GLI2: variants seen among roughly 807,000 people sequenced by gnomAD.
GLI2 encodes the protein GLI family zinc finger 2.
GLI2 carries 22 observed loss-of-function variants against 78.9 expected under a neutral mutation model. The ratio of observed to expected loss-of-function variants is 0.28; its 90% CI spans 0.20 to 0.40. The LOEUF is 0.40. Ranked by LOEUF, GLI2 falls within the 10% of genes least tolerant of loss-of-function variation. The probability of loss-of-function intolerance (pLI) is 1.00; values close to 1 mark genes in which losing one functional copy is unlikely to be tolerated. For synonymous variants in GLI2, 974 were observed against 963.7 expected (o/e 1.01, Z -0.20); for missense variants, 2,097 against 2,213.2 (o/e 0.95, Z 1.05).
In GLI2 at chr2:120,953,007, C is replaced by T. The variant is rs185476838; in HGVS notation, c.457+1562C>T. ...GTTCCTTCCTACTACTCCTGAACAA[C>T]GGGTTGATGGTCACACCTAGTATGG... On this transcript the variant is annotated intron_variant, in intron 4 of 13. Coordinates refer to ENST00000361492, the MANE Select transcript of GLI2 (RefSeq NM_001374353.1). 1.3e-3 allele frequency among the ~76,000 whole-genome samples: 191 copies of T among 152,362 alleles called. 1 individual carries two copies. Among genetic ancestry groups the T allele is most frequent in the Non-Finnish European group, 2.2e-3 (151 of 68,042 alleles).
At chr2:120,821,950 C>G (rs979393830) in intron 2 of GLI2, among the ~76,000 whole-genome samples, 2 of 152,160 alleles carry the variant, frequency 1.3e-5, no homozygotes, top group Admixed American at 6.5e-5. Flanking sequence ...CCACGGGGGC[C>G]GGGAGAAAGT....
rs768987509 is a variant in GLI2 at position 120,972,057 on chromosome 2, G to A, written c.1176G>A (p.Leu392=). The change falls in exon 8 of 14, where the codon CTG becomes CTA. Residue 392 remains leucine (L), a synonymous_variant. Coordinates refer to ENST00000361492, the MANE Select transcript of GLI2 (RefSeq NM_001374353.1). The part of the protein sequence containing the change: ...EGLRPASPLA[L]TQEQLADLKE... ...TGCGGCCGGCCTCCCCTCTGGCGCT[G>A]ACGCAGGTAACCTGCTGCCAGCCGC... The A allele has an allele frequency of 1.9e-6, 3 of 1,613,188 alleles. No homozygotes were observed. Among genetic ancestry groups the A allele is most frequent in the Admixed American group, 3.3e-5 (2 of 60,030 alleles).
At chr2:120,820,542 C>A (rs1685719067) in intron 2 of GLI2, among the ~76,000 whole-genome samples, 1 of 152,202 alleles carries the variant, frequency 6.6e-6, no homozygotes. Context: ...TGGCCTGGGA[C>A]CCTGCCCCAG....
chr2:120,753,376 G>T (rs1412919636), intron 1 of GLI2, among the ~76,000 whole-genome samples: 1 of 152,132 alleles, frequency 6.6e-6, no homozygotes, highest in Non-Finnish European at 1.5e-5. Flanking sequence ...GATTACAGGC[G>T]TGAGCCACTG....
Position 120,874,615 on chromosome 2 carries a change from C to T in GLI2, c.149-52746C>T, listed in dbSNP as rs371695613. On this transcript the variant is annotated intron_variant, in intron 2 of 13. Coordinates refer to ENST00000361492, the MANE Select transcript of GLI2 (RefSeq NM_001374353.1). ...TCATCCGTGACCTGTAGCATTTGTG[C>T]TTTTTGTTTATGGTCTCTCGGCATG... 9.2e-4 allele frequency among the ~76,000 whole-genome samples: 140 copies of T among 152,288 alleles called. 2 individuals are homozygous for T. Among genetic ancestry groups the T allele is most frequent in the African/African-American group, 3.3e-3 (139 of 41,556 alleles).
intron 2 of GLI2, among the ~76,000 whole-genome samples, chr2:120,899,763 T>C (rs1381900745): frequency 2.0e-5 from 3 of 152,234 alleles, no homozygotes; most frequent in Admixed American, 6.5e-5. Context: ...AAGTCATCGA[T>C]GAAAATACGC....
At chr2:120,945,726 G>A (rs994997681) in intron 3 of GLI2, among the ~76,000 whole-genome samples, 1 of 152,094 alleles carries the variant, frequency 6.6e-6, no homozygotes, top group South Asian at 2.1e-4. Context: ...TGCACCCTAC[G>A]AGCTCAGCAA....
intron 2 of GLI2, among the ~76,000 whole-genome samples, chr2:120,850,979 A>G (rs1170738756): frequency 6.6e-6 from 1 of 152,230 alleles, no homozygotes; most frequent in Non-Finnish European, 1.5e-5. Context: ...TTCAAAGTTA[A>G]AAGTGGTTGC....
At position 120,798,264 on chromosome 2, in the gene GLI2, G is replaced by C. The variant is rs547556761; in HGVS notation, c.148+796G>C. On this transcript the variant is annotated intron_variant, in intron 2 of 13. Transcript: ENST00000361492. ...GCGCCTTTTCTTCCGGCGGGCGCTT[G>C]GGCAGCGCCCCTCACACTTTGATGT... Among the ~76,000 whole-genome samples, 25 of 152,358 alleles carry C rather than the reference G, an allele frequency of 1.6e-4. No individual in the cohort carries two copies. The South Asian group carries it at 5.2e-3, about 32-fold the overall frequency.
At chr2:120,876,365 T>C (rs1295538970) in intron 2 of GLI2, among the ~76,000 whole-genome samples, 7 of 151,688 alleles carry the variant, frequency 4.6e-5, no homozygotes, top group Admixed American at 2.0e-4. Context: ...AACAAACAAA[T>C]AAATAAATGC....
At chr2:120,857,038 C>G (rs910680853) in intron 2 of GLI2, among the ~76,000 whole-genome samples, 3 of 152,120 alleles carry the variant, frequency 2.0e-5, no homozygotes, top group African/African-American at 7.2e-5. Context: ...AAAGCTCATC[C>G]TTCCATGCCT....
At chr2:120,871,457 G>A (rs964785319) in intron 2 of GLI2, among the ~76,000 whole-genome samples, 3 of 152,202 alleles carry the variant, frequency 2.0e-5, no homozygotes, top group Non-Finnish European at 2.9e-5. Context: ...ATGCTCCCTC[G>A]TCCCCTCGCC....
rs186828116 is a variant in GLI2 at position 120,954,437 on chromosome 2, T to C, written c.458-808T>C. On this transcript the variant is annotated intron_variant, in intron 4 of 13. Transcript: ENST00000361492. Reference sequence around the variant, plus strand: ...GAAGGAGGCAGAGGAGGACGGCAGCTTCCATGGCCTGGTCTCCTCTCTCTG... The same window carrying C: ...GAAGGAGGCAGAGGAGGACGGCAGCCTCCATGGCCTGGTCTCCTCTCTCTG... Among the ~76,000 whole-genome samples, 569 of 152,258 alleles carry C rather than the reference T, an allele frequency of 3.7e-3. 12 individuals are homozygous for C. Among genetic ancestry groups the C allele is most frequent in the East Asian group, 7.5e-3 (39 of 5,178 alleles).
intron 2 of GLI2, among the ~76,000 whole-genome samples, chr2:120,825,459 CCTGGCTGTGAGTGTGCAT>C (rs1338829774): frequency 7.3e-5 from 10 of 137,722 alleles, no homozygotes; most frequent in African/African-American, 3.4e-4. Context: ...GGAGTGTGCT[CCTGGCTGTGAGTGTGCAT>C]CTGGCTGTGA....
In GLI2 at chr2:120,898,116, C is replaced by A. The variant is rs76943213; in HGVS notation, c.149-29245C>A. ...TGTTTTGTGGAGTGGTTTCCATCCACCCCCTACTCCCTCGAAATTAGGGTT... is the reference window on the plus strand; with the variant it reads ...TGTTTTGTGGAGTGGTTTCCATCCAACCCCTACTCCCTCGAAATTAGGGTT... On this transcript the variant is annotated intron_variant, in intron 2 of 13. Coordinates refer to ENST00000361492, the MANE Select transcript of GLI2 (RefSeq NM_001374353.1). Among the ~76,000 whole-genome samples, 488 of 151,630 alleles carry A rather than the reference C, an allele frequency of 3.2e-3. 3 individuals carry two copies. Among genetic ancestry groups the A allele is most frequent in the Middle Eastern group, 0.01 (3 of 292 alleles).
At chr2:120,850,827 T>C (rs1687373041) in intron 2 of GLI2, among the ~76,000 whole-genome samples, 1 of 152,162 alleles carries the variant, frequency 6.6e-6, no homozygotes, top group South Asian at 2.1e-4. Context: ...GAGGTCCAAG[T>C]GAATTGAGTT....
chr2:120,839,242 G>A (rs1463986146), intron 2 of GLI2, among the ~76,000 whole-genome samples: 1 of 152,054 alleles, frequency 6.6e-6, no homozygotes, highest in Non-Finnish European at 1.5e-5. Flanking sequence ...ATATGTTAAG[G>A]ATTGTTGTCA....
intron 3 of GLI2, among the ~76,000 whole-genome samples, chr2:120,932,449 CACT>C (rs2104887612): frequency 6.6e-6 from 1 of 152,270 alleles, no homozygotes; most frequent in Non-Finnish European, 1.5e-5. Flanking sequence ...GTGTTCCCTG[CACT>C]CTCTCATTCT....
chr2:120,899,625 A>G (rs1480718073), intron 2 of GLI2, among the ~76,000 whole-genome samples: 1 of 152,192 alleles, frequency 6.6e-6, no homozygotes, highest in East Asian at 1.9e-4. Context: ...GCGTCACAGC[A>G]GCGTCTCAGA....
Sources: allele counts gnomAD v4.1 joint callset (sites outside exome capture counted in the v4.1 genomes callset), GRCh38; gene constraint gnomAD v4.1.1; transcripts MANE v1.5; gene names NCBI Gene and HGNC (gene_info 2026-07-23, HGNC 2026-07-21).